Variants in ABAT observed in about 807,000 individuals in gnomAD.
ABAT encodes 4-aminobutyrate aminotransferase.
In ABAT, 45 loss-of-function variants were observed where a neutral mutation model predicts 64.6. That is an observed-to-expected ratio of 0.70 (90% CI 0.55 to 0.89). ABAT has a LOEUF of 0.89. Ranked by LOEUF, ABAT falls within the 40% of genes least tolerant of loss-of-function variation. The pLI is 0.00. For missense variants in ABAT, 633 were observed against 658.4 expected, an observed-to-expected ratio of 0.96 and a Z score of 0.42; for synonymous variants, 297 against 250.5, an observed-to-expected ratio of 1.19 and a Z score of -1.75.
At chr16:8,688,939 G>T (rs1193773199) in intron 1 of ABAT, among the ~76,000 whole-genome samples, 1 of 152,144 alleles carries the variant, frequency 6.6e-6, no homozygotes, top group African/African-American at 2.4e-5. Flanking sequence ...AATTAGCCGG[G>T]CGTGGTGGCA....
intron 1 of ABAT, chr16:8,714,445 T>G (rs2058155165): frequency 6.6e-6 from 1 of 152,390 alleles, no homozygotes; most frequent in South Asian, 2.1e-4. Context: ...ACGCCAAGAG[T>G]AGATGTCAGG....
intron 1 of ABAT, among the ~76,000 whole-genome samples, chr16:8,729,064 T>C (rs2058641354): frequency 6.6e-6 from 1 of 151,754 alleles, no homozygotes; most frequent in African/African-American, 2.4e-5. Flanking sequence ...CTCAGCACGT[T>C]GGGAGGCCAA....
chr16:8,696,009 C>T (rs892791678), intron 1 of ABAT, among the ~76,000 whole-genome samples: 1 of 152,240 alleles, frequency 6.6e-6, no homozygotes, highest in African/African-American at 2.4e-5. Flanking sequence ...GGCGTCCAGC[C>T]TCCAGAGTGG....
chr16:8,770,616 AT>A (rs1335617979), intron 11 of ABAT, among the ~76,000 whole-genome samples: 5 of 150,546 alleles, frequency 3.3e-5, no homozygotes, highest in African/African-American at 1.2e-4. Flanking sequence ...TAATTTTTGT[AT>A]TTTTTGCAGA....
intron 1 of ABAT, among the ~76,000 whole-genome samples, chr16:8,701,028 C>T (rs1249929194): frequency 6.6e-6 from 1 of 151,500 alleles, no homozygotes; most frequent in Non-Finnish European, 1.5e-5. Context: ...ACCTCTGCTA[C>T]CCGGATTCAA....
chr16:8,742,844 C>T (rs1596448005), intron 2 of ABAT, among the ~76,000 whole-genome samples: 3 of 130,974 alleles, frequency 2.3e-5, no homozygotes, highest in South Asian at 2.4e-4. Flanking sequence ...CCGGCTTGGG[C>T]GACAGAGTGA....
intron 3 of ABAT, among the ~76,000 whole-genome samples, chr16:8,747,454 T>G (rs1446162488): frequency 6.6e-6 from 1 of 152,204 alleles, no homozygotes; most frequent in African/African-American, 2.4e-5. Flanking sequence ...AAATGCATGT[T>G]TCTATTGGGG....
intron 11 of ABAT, 43 bp from the exon 12 acceptor site, chr16:8,772,737 C>G: frequency 1.2e-6 from 2 of 1,613,744 alleles, no homozygotes; most frequent in Non-Finnish European, 1.7e-6. Context: ...ATACTGGTCA[C>G]AAGCCTCTGC....
intron 1 of ABAT, among the ~76,000 whole-genome samples, chr16:8,729,828 T>TTA (rs563045872): frequency 7.8e-6 from 1 of 128,456 alleles, no homozygotes; most frequent in African/African-American, 3.0e-5. Flanking sequence ...TTTTTTGTCT[T>TTA]AAAAAAAAAA....
At position 8,765,992 on chromosome 16, in the gene ABAT, G is replaced by A. The variant is rs1027499354; in HGVS notation, c.541-216G>A. 2.3e-5 allele frequency: 12 copies of A among 528,174 alleles called. No individual in the cohort carries two copies. The Admixed American group carries it at 2.8e-4, about 12-fold the overall frequency. The allele number at this position is 528,174 out of a possible 1,614,324, so 32.7% of individuals were successfully genotyped here. ...AATCCAACAGATCTTAATCGTTGCT[G>A]ATGGTGCTTAATGCATTATGTGTGT... On this transcript the variant is annotated intron_variant, in intron 8 of 15. Transcript: ENST00000268251.
chr16:8,730,652 G>A (rs1318275387), intron 1 of ABAT, among the ~76,000 whole-genome samples: 1 of 152,128 alleles, frequency 6.6e-6, no homozygotes, highest in Non-Finnish European at 1.5e-5. Context: ...CTTCATCCAG[G>A]TCTAGGATGG....
intron 1 of ABAT, among the ~76,000 whole-genome samples, chr16:8,723,857 T>G: frequency 9.8e-6 from 1 of 102,216 alleles, no homozygotes; most frequent in South Asian, 3.8e-4. Context: ...TTTTTTTTTT[T>G]TGAGACGGAG....
intron 3 of ABAT, 131 bp from the exon 4 acceptor site, chr16:8,747,977 G>C (rs8055737): frequency 6.3e-6 from 5 of 796,760 alleles, no homozygotes; most frequent in Admixed American, 2.2e-5. Context: ...AAAGTAATAT[G>C]GTTGACTAAT....
intron 1 of ABAT, among the ~76,000 whole-genome samples, chr16:8,692,864 T>C (rs989376156): frequency 6.6e-6 from 1 of 152,208 alleles, no homozygotes. Context: ...GGTACCTTTT[T>C]CTTTTTTGAG....
At chr16:8,727,814 A>G (rs1022094976) in intron 1 of ABAT, among the ~76,000 whole-genome samples, 1 of 152,162 alleles carries the variant, frequency 6.6e-6, no homozygotes, top group African/African-American at 2.4e-5. Flanking sequence ...CATGCCTGTA[A>G]TCCCAACCGT....
chr16:8,780,391 T>G (rs1301513518), intron 15 of ABAT: 1 of 154,498 alleles, frequency 6.5e-6, no homozygotes, highest in Non-Finnish European at 1.4e-5. Context: ...TTGTGCCATC[T>G]TACAGAATCC....
intron 6 of ABAT, among the ~76,000 whole-genome samples, chr16:8,759,338 T>C (rs571422682): frequency 6.6e-6 from 1 of 151,606 alleles, no homozygotes; most frequent in South Asian, 2.1e-4. Flanking sequence ...GTTGTATTTA[T>C]GTCCGTGCTT....
At chr16:8,717,905 T>A (rs2058257857) in intron 1 of ABAT, among the ~76,000 whole-genome samples, 1 of 152,088 alleles carries the variant, frequency 6.6e-6, no homozygotes. Context: ...TCCTCTCACC[T>A]TGGCCTCCCA....
chr16:8,686,064 G>C (rs1351721626), intron 1 of ABAT, among the ~76,000 whole-genome samples: 1 of 152,222 alleles, frequency 6.6e-6, no homozygotes, highest in Non-Finnish European at 1.5e-5. Context: ...CTCCTTCAGG[G>C]CAAGGTTGGC....
Sources: gnomAD v4.1 joint callset for allele counts (sites outside exome capture counted in the v4.1 genomes callset) on GRCh38, gnomAD v4.1.1 for gene constraint, MANE v1.5 for transcripts, NCBI Gene and HGNC (gene_info 2026-07-23, HGNC 2026-07-21) for gene names.